The following PAM variants were observed in gnomAD, a reference collection of about 807,000 sequenced individuals.
PAM encodes the protein peptidyl-glycine alpha-amidating monooxygenase.
Under a neutral mutation model 122.1 loss-of-function variants are expected in PAM, and 72 were observed. The ratio of observed to expected loss-of-function variants is 0.59; its 90% confidence interval spans 0.49 to 0.72. PAM has a LOEUF of 0.72. Ranked by LOEUF, PAM falls within the 30% of genes least tolerant of loss-of-function variation. The pLI, the probability that PAM is intolerant of heterozygous loss-of-function variation, is 0.00. For missense variants in PAM, 1,106 were observed against 1,183.7 expected (o/e 0.93, Z 0.96); for synonymous variants, 389 against 404.4 (o/e 0.96, Z 0.46).
intron 1 of PAM, among the ~76,000 whole-genome samples, chr5:102,785,548 TG>T (rs879336515): frequency 6.6e-6 from 1 of 151,816 alleles, no homozygotes; most frequent in Non-Finnish European, 1.5e-5. Flanking sequence ...GGAAGGAAGG[TG>T]GTGGGATCAG....
At chr5:102,841,312 T>TA (rs1195714657) in intron 1 of PAM, among the ~76,000 whole-genome samples, 1 of 152,024 alleles carries the variant, frequency 6.6e-6, no homozygotes, top group African/African-American at 2.4e-5. Context: ...CCTCTGCACT[T>TA]AGAGTAATAG....
chr5:102,777,347 C>G (rs980961541), intron 1 of PAM, among the ~76,000 whole-genome samples: 1 of 151,926 alleles, frequency 6.6e-6, no homozygotes, highest in Non-Finnish European at 1.5e-5. Flanking sequence ...CTCCTTTTTC[C>G]CCATAAACCT....
intron 12 of PAM, among the ~76,000 whole-genome samples, chr5:102,958,623 A>G (rs1761548988): frequency 6.6e-6 from 1 of 152,222 alleles, no homozygotes; most frequent in Non-Finnish European, 1.5e-5. Flanking sequence ...ACTGACAGGT[A>G]TCAGATTCAG....
intron 3 of PAM, among the ~76,000 whole-genome samples, chr5:102,886,984 T>C (rs1793316266): frequency 6.6e-6 from 1 of 152,050 alleles, no homozygotes. Flanking sequence ...CCATATAGTA[T>C]CAAAAAGATT....
chr5:102,771,749 A>G (rs1377510168), intron 1 of PAM, among the ~76,000 whole-genome samples: 1 of 152,136 alleles, frequency 6.6e-6, no homozygotes, highest in Non-Finnish European at 1.5e-5. Context: ...CCCAGATTTT[A>G]TAGAGAGAAG....
chr5:102,965,446 A>G (rs1165710171), intron 14 of PAM, among the ~76,000 whole-genome samples: 1 of 151,824 alleles, frequency 6.6e-6, no homozygotes, highest in Non-Finnish European at 1.5e-5. Flanking sequence ...TTTAATATTC[A>G]AAGTCTAGAT....
chr5:102,987,430 C>T (rs774126035), intron 15 of PAM: 13 of 401,364 alleles, frequency 3.2e-5, no homozygotes. Context: ...TGGGTACCAA[C>T]ATGTAGAGAG....
intron 25 of PAM, 49 bp from the exon 26 acceptor site, chr5:103,028,838 A>AAT (rs2067133): frequency 0.71 from 895,281 of 1,258,078 alleles, 322,180 homozygotes; most frequent in African/African-American, 0.87. Flanking sequence ...AAGGTAACAG[A>AAT]CATTGCTGCA....
At chr5:102,991,045 G>A (rs746903886) in intron 16 of PAM, among the ~76,000 whole-genome samples, 5 of 152,140 alleles carry the variant, frequency 3.3e-5, no homozygotes, top group Non-Finnish European at 4.4e-5. Context: ...TCCTTAGAGG[G>A]ATTTTTAGTA....
chr5:102,965,218 G>A (rs904442132), intron 14 of PAM, among the ~76,000 whole-genome samples: 14 of 148,588 alleles, frequency 9.4e-5, no homozygotes, highest in Admixed American at 4.0e-4. Flanking sequence ...ATTAAGGTTG[G>A]CACTTTTAGA....
At chr5:103,003,325 T>C (rs918986224) in intron 17 of PAM, among the ~76,000 whole-genome samples, 176 bp downstream of exon 17, 1 of 152,220 alleles carries the variant, frequency 6.6e-6, no homozygotes, top group South Asian at 2.1e-4. Flanking sequence ...TGACTGAATA[T>C]TAGAATCATC....
At chr5:102,891,279 A>G (rs949463911) in intron 3 of PAM, among the ~76,000 whole-genome samples, 2 of 151,928 alleles carry the variant, frequency 1.3e-5, no homozygotes, top group African/African-American at 2.4e-5. Flanking sequence ...CTAGCAAAAA[A>G]GGAGTTTTGT....
intron 21 of PAM, among the ~76,000 whole-genome samples, chr5:103,010,189 C>T (rs897566639): frequency 6.6e-6 from 1 of 152,108 alleles, no homozygotes; most frequent in Non-Finnish European, 1.5e-5. Context: ...ATAAATCAGT[C>T]GCTTTCTGGT....
At chr5:102,921,018 G>A (rs554502819) in intron 5 of PAM, among the ~76,000 whole-genome samples, 4 of 152,190 alleles carry the variant, frequency 2.6e-5, no homozygotes, top group South Asian at 2.1e-4. Flanking sequence ...TGGATTAGAC[G>A]TGAAAAAGGT....
At chr5:102,961,911 T>A (rs912567432) in intron 14 of PAM, among the ~76,000 whole-genome samples, 2 of 151,858 alleles carry the variant, frequency 1.3e-5, no homozygotes, top group Non-Finnish European at 3.0e-5. Context: ...GGCTTTGGAG[T>A]TTGTTATCCT....
At chr5:103,024,841 C>T (rs1784511434) in intron 23 of PAM, among the ~76,000 whole-genome samples, 1 of 152,020 alleles carries the variant, frequency 6.6e-6, no homozygotes, top group Non-Finnish European at 1.5e-5. Flanking sequence ...TTAATTTTAC[C>T]TTTGGAAAAA....
intron 6 of PAM, among the ~76,000 whole-genome samples, chr5:102,925,418 G>A (rs1203365326): frequency 6.6e-6 from 1 of 152,176 alleles, no homozygotes; most frequent in East Asian, 1.9e-4. Context: ...TGGAACCTAG[G>A]TATCTAATGT....
intron 15 of PAM, among the ~76,000 whole-genome samples, chr5:102,975,929 T>C (rs76317144): frequency 4.7e-4 from 71 of 152,286 alleles, no homozygotes; most frequent in African/African-American, 1.7e-3. Context: ...CAGTCAGAAT[T>C]TGACTTAAGA....
intron 3 of PAM, chr5:102,895,975 G>A (rs1796094374): frequency 6.6e-6 from 1 of 151,712 alleles, no homozygotes. Context: ...GAGTAATGGA[G>A]ATCGTCAGCA....
Sources: gnomAD v4.1 joint callset for allele counts (sites outside exome capture counted in the v4.1 genomes callset) on GRCh38, gnomAD v4.1.1 for gene constraint, MANE v1.5 for transcripts, NCBI Gene and HGNC (gene_info 2026-07-23, HGNC 2026-07-21) for gene names.